NEO1: variants seen among roughly 807,000 people sequenced by gnomAD.
NEO1 encodes neogenin.
NEO1 carries 63 observed loss-of-function variants against 159.7 expected under a neutral mutation model. The ratio of observed to expected loss-of-function variants is 0.39; its 90% CI spans 0.32 to 0.49. The LOEUF is 0.49. NEO1 is among the 20% of genes least tolerant of loss of function. The probability of loss-of-function intolerance (pLI) is 0.85; values close to 1 mark genes in which losing one functional copy is unlikely to be tolerated. For synonymous variants in NEO1, 633 were observed against 662.0 expected (o/e 0.96, Z 0.67); for missense variants, 1,615 against 1,831.0 (o/e 0.88, Z 2.15).
Position 73,258,823 on chromosome 15 carries a change from C to T in NEO1, c.2150C>T (p.Thr717Ile), listed in dbSNP as rs1413269737. ...GTGGCTGCTCTAACAATCAATGGTA[C>T]AGGCCCGGCAACTGACTGGCTGTCT... ...FRVAALTING[T>I]GPATDWLSAE... is the part of the protein sequence containing the mutation. Residue 717 changes from threonine to isoleucine, a missense_variant, in exon 14 of 29, where the codon ACA (threonine) becomes ATA (isoleucine). Physicochemically the swap from Thr to Ile is moderately conservative, Grantham distance 89. Around this residue, in one of 3 missense-constraint regions of NEO1, gnomAD observed 1,018 missense variants for 1,115.4 expected, o/e 0.91. Transcript: ENST00000261908. 3.1e-6 allele frequency: 5 copies of T among 1,613,808 alleles called. No individual in the cohort carries two copies. The highest frequency in any genetic ancestry group is 1.3e-5 in the African/African-American group (1 of 74,904).
At chr15:73,149,625 A>G (rs1380590032) in intron 5 of NEO1, among the ~76,000 whole-genome samples, 2 of 152,180 alleles carry the variant, frequency 1.3e-5, no homozygotes, top group Non-Finnish European at 2.9e-5. Flanking sequence ...AAAAGATACG[A>G]TATTTTTAAC....
intron 8 of NEO1, among the ~76,000 whole-genome samples, chr15:73,240,298 G>A (rs1349847899): frequency 6.6e-6 from 1 of 152,144 alleles, no homozygotes; most frequent in Non-Finnish European, 1.5e-5. Context: ...GGAGTAAGCA[G>A]GAATGATTAG....
chr15:73,295,891 G>T (rs992435472), intron 26 of NEO1, among the ~76,000 whole-genome samples: 12 of 152,200 alleles, frequency 7.9e-5, no homozygotes, highest in African/African-American at 2.7e-4. Context: ...AACTCTGTGT[G>T]TCTTAACTCT....
At chr15:73,212,715 G>C (rs1439213733) in intron 7 of NEO1, among the ~76,000 whole-genome samples, 1 of 151,626 alleles carries the variant, frequency 6.6e-6, no homozygotes, top group Admixed American at 6.6e-5. Flanking sequence ...GTTTATAGAA[G>C]CATTGCTGAT....
chr15:73,175,489 G>GT (rs2035229005), intron 5 of NEO1, among the ~76,000 whole-genome samples: 1 of 152,184 alleles, frequency 6.6e-6, no homozygotes, highest in Non-Finnish European at 1.5e-5. Context: ...TTTTTAAGAC[G>GT]TCAAGTTGCC....
intron 7 of NEO1, among the ~76,000 whole-genome samples, chr15:73,211,805 A>G (rs1462938711): frequency 1.3e-5 from 2 of 152,242 alleles, no homozygotes; most frequent in Non-Finnish European, 2.9e-5. Context: ...AGGAAGCTAT[A>G]TAGGGTTCCC....
chr15:73,155,017 G>GT (rs570908947), intron 5 of NEO1, among the ~76,000 whole-genome samples: 2,187 of 137,386 alleles, frequency 0.016, 54 homozygotes, highest in African/African-American at 0.051. Flanking sequence ...AAGTCTTTGT[G>GT]TTTTTTTTTT....
chr15:73,131,062 C>A (rs543259611), intron 4 of NEO1, among the ~76,000 whole-genome samples: 2 of 152,102 alleles, frequency 1.3e-5, no homozygotes, highest in East Asian at 1.9e-4. Context: ...AGCACCCCCC[C>A]ACACACACCC....
intron 23 of NEO1, among the ~76,000 whole-genome samples, chr15:73,288,081 G>C (rs2042017732): frequency 6.6e-6 from 1 of 152,070 alleles, no homozygotes; most frequent in African/African-American, 2.4e-5. Flanking sequence ...CAAACATAAA[G>C]ACCCTGGTAA....
chr15:73,211,543 C>G (rs982250577), intron 7 of NEO1, among the ~76,000 whole-genome samples: 1 of 152,084 alleles, frequency 6.6e-6, no homozygotes, highest in Non-Finnish European at 1.5e-5. Context: ...GGTGAAACCC[C>G]GTCTCTACTA....
chr15:73,052,510 C>T lies in NEO1; in HGVS notation c.-166C>T, dbSNP rs971272057. 1.2e-4 allele frequency: 30 copies of T among 248,500 alleles called. No homozygotes were observed. Among genetic ancestry groups the T allele is most frequent in the Middle Eastern group, 1.4e-3 (1 of 730 alleles). 15.4% of individuals were successfully genotyped at this position (248,500 alleles called of 1,614,324 possible). ...AGGGAGGCGCCCTGGAGTCTCCCCT[C>T]CAGCGAGAGGGGCTGCGCGGGCCGG... On this transcript the variant is annotated 5_prime_UTR_variant, in exon 1 of 29. Transcript: ENST00000261908.
At chr15:73,154,637 C>T (rs2033642462) in intron 5 of NEO1, among the ~76,000 whole-genome samples, 1 of 152,168 alleles carries the variant, frequency 6.6e-6, no homozygotes, top group Non-Finnish European at 1.5e-5. Flanking sequence ...TAACGACCTC[C>T]AGTTCCATTA....
At chr15:73,181,890 C>A (rs887381805) in intron 7 of NEO1, among the ~76,000 whole-genome samples, 2 of 124,288 alleles carry the variant, frequency 1.6e-5, no homozygotes, top group Non-Finnish European at 3.4e-5. Flanking sequence ...AGAGATACTT[C>A]CAAGGTTTAC....
intron 7 of NEO1, among the ~76,000 whole-genome samples, chr15:73,201,954 C>CTTTTTTTTTT (rs1206304409): frequency 3.6e-5 from 3 of 83,458 alleles, no homozygotes; most frequent in South Asian, 4.0e-4. Flanking sequence ...CTATATCATT[C>CTTTTTTTTTT]TTTTTTTTTT....
intron 1 of NEO1, among the ~76,000 whole-genome samples, chr15:73,100,412 G>A (rs1294496453): frequency 6.7e-6 from 1 of 150,130 alleles, no homozygotes; most frequent in African/African-American, 2.5e-5. Flanking sequence ...TCTACTCACT[G>A]CACCCTGTGC....
chr15:73,253,465 G>T lies in NEO1; in HGVS notation c.1944+16G>T. 1 of 1,583,506 alleles carries T rather than the reference G, an allele frequency of 6.3e-7. No individual in the cohort carries two copies. The highest frequency in any genetic ancestry group is 8.6e-7 in the Non-Finnish European group (1 of 1,162,888). On this transcript the variant is annotated intron_variant, in intron 12 of 28. Coordinates refer to ENST00000261908, the MANE Select transcript of NEO1 (RefSeq NM_002499.4). ...AAATTCAAAGGTAAAACTGTATGAT[G>T]CTGCTGTTCATTTTTACTGGTATAC...
chr15:73,185,994 A>C (rs1333888884), intron 7 of NEO1, among the ~76,000 whole-genome samples: 5 of 152,088 alleles, frequency 3.3e-5, no homozygotes. Context: ...AAGCAAACTA[A>C]ATACCATGAT....
chr15:73,241,522 T>C (rs980539712), intron 8 of NEO1, among the ~76,000 whole-genome samples: 1 of 152,232 alleles, frequency 6.6e-6, no homozygotes, highest in Non-Finnish European at 1.5e-5. Flanking sequence ...TTTCGTTTAA[T>C]ACATAAAGAA....
intron 1 of NEO1, among the ~76,000 whole-genome samples, chr15:73,101,223 T>C (rs529146727): frequency 6.6e-6 from 1 of 152,376 alleles, no homozygotes; most frequent in Admixed American, 6.5e-5. Flanking sequence ...ATCTGTGGGT[T>C]AGTTTATAAG....
Sources: gnomAD v4.1 joint callset for allele counts (sites outside exome capture counted in the v4.1 genomes callset) on GRCh38, gnomAD v4.1.1 for gene constraint, gnomAD v4.1.1 regional missense constraint, MANE v1.5 for transcripts, NCBI Gene and HGNC (gene_info 2026-07-23, HGNC 2026-07-21) for gene names.